The following ACO2 variants were observed in gnomAD, a reference collection of about 807,000 sequenced individuals.
ACO2 encodes aconitate hydratase, mitochondrial.
Under a neutral mutation model 84.5 loss-of-function variants are expected in ACO2, and 31 were observed. That is an observed-to-expected ratio of 0.37 (90% CI 0.28 to 0.50). The LOEUF is 0.50. Ranked by LOEUF, ACO2 falls within the 20% of genes least tolerant of loss-of-function variation. ACO2 has a pLI of 0.97. For missense variants in ACO2, 685 were observed against 1,029.3 expected, an observed-to-expected ratio of 0.67 and a Z score of 4.58; for synonymous variants, 414 against 412.7, an observed-to-expected ratio of 1.00 and a Z score of -0.04.
At chr22:41,471,425 G>T (rs2037944745) in intron 1 of ACO2, among the ~76,000 whole-genome samples, 1 of 152,202 alleles carries the variant, frequency 6.6e-6, no homozygotes. Context: ...TTTGTGCTTA[G>T]ATACATTTGA....
chr22:41,507,160 T>G (rs2066399683), intron 2 of ACO2, among the ~76,000 whole-genome samples: 1 of 151,992 alleles, frequency 6.6e-6, no homozygotes. Flanking sequence ...CGGTCTCTGT[T>G]CTTGAAAACT....
intron 3 of ACO2, among the ~76,000 whole-genome samples, chr22:41,510,516 G>T (rs571234526): frequency 1.8e-4 from 27 of 152,356 alleles, no homozygotes; most frequent in Admixed American, 1.6e-3. Context: ...TTCAGTGAAG[G>T]GGTGTGTGGT....
chr22:41,528,654 C>T lies in ACO2; in HGVS notation c.*41C>T, dbSNP rs754589069. ...GCCCCGCCGCTGGCGTCAAGTTCAG[C>T]TCCACGTGTGCCATCAGTGGATCCG... On this transcript the variant is annotated 3_prime_UTR_variant, in exon 18 of 18. Transcript: ENST00000216254. 13 of 1,604,312 alleles carry T rather than the reference C, an allele frequency of 8.1e-6. No individual in the cohort carries two copies. Among genetic ancestry groups the T allele is most frequent in the Non-Finnish European group, 1.0e-5 (12 of 1,177,338 alleles).
intron 15 of ACO2, chr22:41,526,959 G>A (rs1458401389): frequency 9.3e-6 from 4 of 429,412 alleles, no homozygotes; most frequent in Non-Finnish European, 1.7e-5. Context: ...CTTCACAGAT[G>A]CATCTTGTGT....
intron 1 of ACO2, among the ~76,000 whole-genome samples, chr22:41,494,393 A>G (rs1048527675): frequency 1.3e-5 from 2 of 150,694 alleles, no homozygotes; most frequent in Non-Finnish European, 3.0e-5. Context: ...TTCTTTACCC[A>G]TAAGTTGTAT....
chr22:41,491,034 A>G (rs2066268117), intron 1 of ACO2, among the ~76,000 whole-genome samples: 1 of 152,018 alleles, frequency 6.6e-6, no homozygotes, highest in Non-Finnish European at 1.5e-5. Flanking sequence ...GGAGGCTCTC[A>G]TAGGGCTGGG....
chr22:41,525,449 A>G lies in ACO2; in HGVS notation c.1761+101A>G, dbSNP rs2066574161. 3 of 1,446,422 alleles carry G rather than the reference A, an allele frequency of 2.1e-6. No homozygotes were observed. The Admixed American group carries it at 5.9e-5, about 28-fold the overall frequency. 89.6% of individuals were successfully genotyped at this position (1,446,422 alleles called of 1,614,324 possible). On this transcript the variant is annotated intron_variant, in intron 14 of 17. Transcript: ENST00000216254. ...GAACCTGGAGGAAGTGAGCACAGTC[A>G]AGACGCAGGTGGGAGATGGAAGGGA...
chr22:41,504,587 C>T (rs2066378417), intron 2 of ACO2, among the ~76,000 whole-genome samples: 1 of 152,158 alleles, frequency 6.6e-6, no homozygotes, highest in Admixed American at 6.5e-5. Flanking sequence ...GCCCGTACAC[C>T]AGCCTTGGCG....
At chr22:41,485,101 T>G (rs990888201) in intron 1 of ACO2, among the ~76,000 whole-genome samples, 2 of 152,112 alleles carry the variant, frequency 1.3e-5, no homozygotes, top group African/African-American at 4.8e-5. Context: ...AGTCTCAAAC[T>G]GCCAACCTCA....
chr22:41,497,996 T>A (rs1422927015), intron 1 of ACO2, among the ~76,000 whole-genome samples: 11 of 151,750 alleles, frequency 7.2e-5, no homozygotes, highest in Non-Finnish European at 4.4e-5. Context: ...ATACAAAAAT[T>A]AGCTGGGCAT....
rs949398630 is a variant in ACO2, at chr22:41,512,071, C to G, written c.525+103C>G. ...TGAGGCCCAGGGGGGCTGAGGGGAACTGGATGACATATCCATCAGCTCTTA... is the reference window on the plus strand; with the variant it reads ...TGAGGCCCAGGGGGGCTGAGGGGAAGTGGATGACATATCCATCAGCTCTTA... On this transcript the variant is annotated intron_variant, in intron 4 of 17. Coordinates refer to ENST00000216254, the MANE Select transcript of ACO2 (RefSeq NM_001098.3). 7.5e-5 allele frequency: 58 copies of G among 774,458 alleles called. No individual in the cohort carries two copies. The African/African-American group carries it at 9.2e-4, about 12-fold the overall frequency. 48.0% of individuals were successfully genotyped at this position (774,458 alleles called of 1,614,324 possible).
At chr22:41,471,967 G>T (rs1327258582) in intron 1 of ACO2, among the ~76,000 whole-genome samples, 1 of 152,156 alleles carries the variant, frequency 6.6e-6, no homozygotes, top group African/African-American at 2.4e-5. Context: ...CTTGCCTTTA[G>T]ATACAATAAT....
intron 2 of ACO2, among the ~76,000 whole-genome samples, chr22:41,503,948 C>T (rs1050593878): frequency 1.3e-5 from 2 of 152,128 alleles, no homozygotes; most frequent in African/African-American, 2.4e-5. Flanking sequence ...GTATGGTAGC[C>T]CACGCCTGTA....
At chr22:41,494,635 T>A (rs1173921709) in intron 1 of ACO2, among the ~76,000 whole-genome samples, 1 of 152,132 alleles carries the variant, frequency 6.6e-6, no homozygotes, top group African/African-American at 2.4e-5. Context: ...GGTCTTGAAC[T>A]CCTGACCTCA....
chr22:41,499,878 G>A lies in ACO2; in HGVS notation c.173+16G>A. On this transcript the variant is annotated intron_variant, in intron 2 of 17. Coordinates refer to ENST00000216254, the MANE Select transcript of ACO2 (RefSeq NM_001098.3). Reference sequence around the variant, plus strand: ...TTCGCAAACGGTAAGGCTGCAGATGGGAGGCTGTGACTGTCAAGGGCATTG... The same window carrying A: ...TTCGCAAACGGTAAGGCTGCAGATGAGAGGCTGTGACTGTCAAGGGCATTG... 1 of 1,613,270 alleles carries A rather than the reference G, an allele frequency of 6.2e-7. No homozygotes were observed.
In ACO2 at chr22:41,524,895, C is replaced by T; in HGVS notation, c.1532C>T (p.Thr511Ile). The change falls in exon 13 of 18, where the codon ACC (threonine) becomes ATC (isoleucine). Residue 511 changes from threonine (T) to isoleucine (I), a missense_variant. By Grantham distance (89) the Thr-to-Ile change is moderately conservative. Transcript: ENST00000216254. ...GGAACCCTCAAGTTCAACCCAGAGA[C>T]CGACTACCTGACGGGCACGGATGGC... The part of the protein sequence containing the change: ...IAGTLKFNPE[T>I]DYLTGTDGKK... The T allele has an allele frequency of 6.2e-7, 1 of 1,614,224 alleles. No individual in the cohort carries two copies. Among genetic ancestry groups the T allele is most frequent in the South Asian group, 1.1e-5 (1 of 91,092 alleles).
intron 1 of ACO2, among the ~76,000 whole-genome samples, chr22:41,499,116 A>G (rs1340632519): frequency 6.6e-6 from 1 of 151,946 alleles, no homozygotes; most frequent in East Asian, 1.9e-4. Context: ...AAGGAAGGGA[A>G]TTAGGCACCA....
At chr22:41,501,469 C>T (rs1364677241) in intron 2 of ACO2, among the ~76,000 whole-genome samples, 1 of 152,210 alleles carries the variant, frequency 6.6e-6, no homozygotes, top group East Asian at 1.9e-4. Context: ...GCTGGCAATG[C>T]ACACCAGCCT....
chr22:41,495,287 C>T (rs1258605685), intron 1 of ACO2, among the ~76,000 whole-genome samples: 1 of 152,206 alleles, frequency 6.6e-6, no homozygotes, highest in Admixed American at 6.5e-5. Flanking sequence ...CCTGCCTCAG[C>T]CTCCCAAAGT....
Sources: allele counts gnomAD v4.1 joint callset (sites outside exome capture counted in the v4.1 genomes callset), GRCh38; gene constraint gnomAD v4.1.1; transcripts MANE v1.5; gene names NCBI Gene and HGNC (gene_info 2026-07-23, HGNC 2026-07-21).